Variants in HAVCR2 observed in about 807,000 individuals in gnomAD.
HAVCR2 encodes the protein hepatitis A virus cellular receptor 2.
A neutral mutation model predicts 24.7 loss-of-function variants in HAVCR2; 13 were observed. The ratio of observed to expected loss-of-function variants is 0.53; its 90% CI spans 0.34 to 0.84. The LOEUF is 0.84. Among genes scored for constraint, HAVCR2 ranks in the 40% least tolerant of loss-of-function variants. The pLI is 0.01. For missense variants in HAVCR2, 343 were observed against 371.2 expected (o/e 0.92, Z 0.62); for synonymous variants, 154 against 143.4 (o/e 1.07, Z -0.53).
chr5:157,089,312 A>G (rs1756958812), intron 5 of HAVCR2, among the ~76,000 whole-genome samples: 1 of 152,174 alleles, frequency 6.6e-6, no homozygotes, highest in Admixed American at 6.5e-5. Flanking sequence ...CAAAGAAATA[A>G]AAGAAAACAG....
At chr5:157,089,184 C>A (rs1756957544) in intron 5 of HAVCR2, among the ~76,000 whole-genome samples, 1 of 152,080 alleles carries the variant, frequency 6.6e-6, no homozygotes, top group African/African-American at 2.4e-5. Context: ...TCTTATTTAA[C>A]AAATATTATG....
intron 3 of HAVCR2, 98 bp from the exon 4 acceptor site, chr5:157,098,999 G>T: frequency 2.9e-6 from 3 of 1,041,590 alleles, no homozygotes; most frequent in Non-Finnish European, 4.2e-6. Flanking sequence ...TCTTAATGAT[G>T]CCTATAATCC....
At chr5:157,107,038 T>C in intron 1 of HAVCR2, 76 bp from the exon 2 acceptor site, 1 of 1,201,790 alleles carries the variant, frequency 8.3e-7, no homozygotes, top group Non-Finnish European at 1.2e-6. Flanking sequence ...CTGCAAGCCA[T>C]GTCTTACAGA....
intron 4 of HAVCR2, among the ~76,000 whole-genome samples, chr5:157,096,967 T>C (rs180757903): frequency 0.061 from 8,918 of 146,064 alleles, 392 homozygotes; most frequent in Admixed American, 0.15. Flanking sequence ...CACACACATA[T>C]AATTATAAGC....
intron 5 of HAVCR2, among the ~76,000 whole-genome samples, chr5:157,094,425 C>T (rs1308643837): frequency 6.6e-6 from 1 of 151,324 alleles, no homozygotes; most frequent in East Asian, 1.9e-4. Flanking sequence ...ACTCTGTCAC[C>T]CAGGCTGGAG....
At chr5:157,089,752 T>C (rs1184665499) in intron 5 of HAVCR2, among the ~76,000 whole-genome samples, 1 of 152,084 alleles carries the variant, frequency 6.6e-6, no homozygotes, top group African/African-American at 2.4e-5. Flanking sequence ...AGGGAGCCCC[T>C]TGTAAAGATC....
chr5:157,089,557 A>C (rs1293965444), intron 5 of HAVCR2, among the ~76,000 whole-genome samples: 2 of 152,026 alleles, frequency 1.3e-5, no homozygotes, highest in Non-Finnish European at 2.9e-5. Context: ...AAACAACAAC[A>C]AAAAGGAAAT....
rs142400978 is a variant in HAVCR2, at chr5:157,107,596, A to G, written c.59-634T>C. ...CCCAAACTCATTCAGTCAAAGGGAA[A>G]AGTCAAGCTGGGAACTGGGTCACAG... On this transcript the variant is annotated intron_variant, in intron 1 of 6. Transcript: ENST00000307851. Among the ~76,000 whole-genome samples the G allele has an allele frequency of 7.9e-5, 12 of 152,300 alleles. No homozygotes were observed. In the East Asian group the frequency reaches 1.7e-3, roughly 22 times the overall value.
intron 6 of HAVCR2, 121 bp from the exon 7 acceptor site, chr5:157,087,415 TG>T: frequency 1.4e-6 from 1 of 719,562 alleles, no homozygotes; most frequent in Non-Finnish European, 2.1e-6. Context: ...TTTGATCAGA[TG>T]CTGAACAAGT....
intron 6 of HAVCR2, among the ~76,000 whole-genome samples, chr5:157,087,628 G>T (rs539269940): frequency 6.6e-6 from 1 of 152,158 alleles, no homozygotes; most frequent in Non-Finnish European, 1.5e-5. Flanking sequence ...AAAATGGGCC[G>T]GGCGCCGTGG....
rs1406497580 is a variant in HAVCR2 at position 157,100,669 on chromosome 5, G to A, written c.479-1768C>T. Among the ~76,000 whole-genome samples the A allele has an allele frequency of 3.3e-5, 5 of 152,108 alleles. No individual in the cohort carries two copies. The East Asian group carries it at 9.7e-4, about 29-fold the overall frequency. Reference sequence around the variant, plus strand: ...TCTGGAAGCCTTAATGTGTATAAAGGGTTTGACTAAATGCTGGTTTAGCAA... The same window carrying A: ...TCTGGAAGCCTTAATGTGTATAAAGAGTTTGACTAAATGCTGGTTTAGCAA... On this transcript the variant is annotated intron_variant, in intron 3 of 6. Coordinates refer to ENST00000307851, the MANE Select transcript of HAVCR2 (RefSeq NM_032782.5).
intron 3 of HAVCR2, among the ~76,000 whole-genome samples, chr5:157,099,858 G>A (rs755357659): frequency 9.9e-5 from 15 of 152,168 alleles, no homozygotes; most frequent in South Asian, 6.2e-4. Context: ...ACCACACACA[G>A]CTAATTTTTG....
rs1179872014 is a variant in HAVCR2 at position 157,085,870 on chromosome 5, G to A, written c.*1232C>T. 2 of 152,208 alleles carry A rather than the reference G, an allele frequency of 1.3e-5. No individual in the cohort carries two copies. Among genetic ancestry groups the A allele is most frequent in the African/African-American group, 4.8e-5 (2 of 41,454 alleles). The allele number at this position is 152,208 out of a possible 1,614,324, so 9.4% of individuals were successfully genotyped here. On this transcript the variant is annotated 3_prime_UTR_variant, in exon 7 of 7. Coordinates refer to ENST00000307851, the MANE Select transcript of HAVCR2 (RefSeq NM_032782.5). ...AATTTTTAGTAAGTTCCAATTGTGT[G>A]TCAGAATTGTGCTAGGCGCAGGGGG...
At chr5:157,094,737 C>T (rs988618415) in intron 5 of HAVCR2, among the ~76,000 whole-genome samples, 1 of 151,564 alleles carries the variant, frequency 6.6e-6, no homozygotes, top group African/African-American at 2.4e-5. Flanking sequence ...GGATAAGTAA[C>T]TTAGAAAAAG....
At chr5:157,104,546 T>G in intron 3 of HAVCR2, 120 bp downstream of exon 3, 1 of 644,024 alleles carries the variant, frequency 1.6e-6, no homozygotes, top group Non-Finnish European at 2.7e-6. Flanking sequence ...CTATTTCAGG[T>G]GCACGGAGAT....
At chr5:157,094,532 C>T (rs754447827) in intron 5 of HAVCR2, among the ~76,000 whole-genome samples, 29 of 151,634 alleles carry the variant, frequency 1.9e-4, no homozygotes, top group Non-Finnish European at 3.1e-4. Context: ...TACAGGCATG[C>T]GCCACCACAC....
At chr5:157,104,215 T>C (rs1757212658) in intron 3 of HAVCR2, among the ~76,000 whole-genome samples, 2 of 152,188 alleles carry the variant, frequency 1.3e-5, no homozygotes, top group African/African-American at 4.8e-5. Context: ...AATTTAACTA[T>C]TCTTTCTGTG....
chr5:157,096,642 T>C (rs1757097963), intron 4 of HAVCR2, among the ~76,000 whole-genome samples: 1 of 151,976 alleles, frequency 6.6e-6, no homozygotes. Context: ...CCAGGTGTGG[T>C]GGCGGGCACC....
In HAVCR2 at chr5:157,087,066, G is replaced by C. The variant is rs1756923279; in HGVS notation, c.*36C>G. The C allele has an allele frequency of 1.3e-6, 2 of 1,599,572 alleles. No homozygotes were observed. The highest frequency in any genetic ancestry group is 1.7e-5 in the Admixed American group (1 of 57,760). On this transcript the variant is annotated 3_prime_UTR_variant, in exon 7 of 7. Coordinates refer to ENST00000307851, the MANE Select transcript of HAVCR2 (RefSeq NM_032782.5). ...GACACAGCTCATAGTTTCTGAAAAA[G>C]ACAAAACACCAAGCTCAAAAATAAG... is the stretch of plus-strand genomic sequence containing the variant.
Sources: allele counts gnomAD v4.1 joint callset (sites outside exome capture counted in the v4.1 genomes callset), GRCh38; gene constraint gnomAD v4.1.1; transcripts MANE v1.5; gene names NCBI Gene and HGNC (gene_info 2026-07-23, HGNC 2026-07-21).